FMN1: variants seen among roughly 807,000 people sequenced by gnomAD.
The protein encoded by FMN1 is formin 1.
Under a neutral mutation model 132.4 loss-of-function variants are expected in FMN1, and 110 were observed. The ratio of observed to expected loss-of-function variants is 0.83; its 90% confidence interval spans 0.71 to 0.97. The LOEUF is 0.97. FMN1 is among the 50% of genes least tolerant of loss of function. The probability of loss-of-function intolerance (pLI) is 0.00; values close to 1 mark genes in which losing one functional copy is unlikely to be tolerated. For synonymous variants in FMN1, 722 were observed against 651.7 expected, an observed-to-expected ratio of 1.11 and a Z score of -1.64; for missense variants, 1,792 against 1,705.3, an observed-to-expected ratio of 1.05 and a Z score of -0.90.
chr15:33,121,535 G>GT (rs1962556252), intron 4 of FMN1, among the ~76,000 whole-genome samples: 1 of 151,750 alleles, frequency 6.6e-6, no homozygotes, highest in Non-Finnish European at 1.5e-5. Context: ...GTTTTGTTTT[G>GT]TTTGTTTTGT....
intron 4 of FMN1, among the ~76,000 whole-genome samples, chr15:33,091,985 C>A (rs1292096660): frequency 6.6e-6 from 1 of 152,142 alleles, no homozygotes; most frequent in Non-Finnish European, 1.5e-5. Flanking sequence ...ATACTACAAA[C>A]CTGTTTTGTA....
intron 4 of FMN1, among the ~76,000 whole-genome samples, chr15:33,141,344 G>GT (rs199928403): frequency 2.7e-4 from 41 of 151,978 alleles, no homozygotes; most frequent in Middle Eastern, 6.8e-3. Flanking sequence ...ACATCCAACT[G>GT]TTTTTTTTCC....
At chr15:33,038,908 C>G (rs58812067) in intron 6 of FMN1, among the ~76,000 whole-genome samples, 5,496 of 152,186 alleles carry the variant, frequency 0.036, 340 homozygotes, top group African/African-American at 0.13. Flanking sequence ...TTCTGTGTCC[C>G]CCACTTTGAA....
intron 6 of FMN1, among the ~76,000 whole-genome samples, chr15:33,044,688 G>A (rs2036596530): frequency 6.6e-6 from 1 of 152,098 alleles, no homozygotes; most frequent in Non-Finnish European, 1.5e-5. Context: ...CCTCTCTACT[G>A]AGAGCTGAAA....
chr15:32,778,428 CAG>C (rs2056561041), intron 19 of FMN1, among the ~76,000 whole-genome samples: 1 of 151,526 alleles, frequency 6.6e-6, no homozygotes, highest in Non-Finnish European at 1.5e-5. Context: ...GTCTGGAACA[CAG>C]AAAGAACTCT....
chr15:32,815,310 A>T (rs377760654), intron 17 of FMN1, among the ~76,000 whole-genome samples: 9 of 152,086 alleles, frequency 5.9e-5, no homozygotes, highest in African/African-American at 2.2e-4. Context: ...TTTTAACCTC[A>T]TAGCATTTTA....
chr15:32,827,713 G>A (rs1263399095), intron 17 of FMN1, among the ~76,000 whole-genome samples: 3 of 151,964 alleles, frequency 2.0e-5, no homozygotes, highest in Non-Finnish European at 2.9e-5. Flanking sequence ...GCGTGGTGGC[G>A]GGCACCTGTA....
chr15:32,987,016 T>A lies in FMN1; in HGVS notation c.2224-17539A>T, dbSNP rs145354544. ...AACTATCCTATTCAAACTTGAAATG[T>A]CACTTCAATTTTAGTTTGACTGAGG... On this transcript the variant is annotated intron_variant, in intron 7 of 20. Transcript: ENST00000616417. 2.2e-4 allele frequency among the ~76,000 whole-genome samples: 33 copies of A among 152,324 alleles called. No homozygotes were observed. The East Asian group carries it at 5.6e-3, about 26-fold the overall frequency.
chr15:33,111,325 A>G (rs988392888), intron 4 of FMN1, among the ~76,000 whole-genome samples: 16 of 152,186 alleles, frequency 1.1e-4, no homozygotes, highest in African/African-American at 2.7e-4. Flanking sequence ...GCAGATAACA[A>G]CAAGTGTTCA....
intron 7 of FMN1, among the ~76,000 whole-genome samples, chr15:33,003,070 T>C (rs1452760045): frequency 6.6e-6 from 1 of 152,194 alleles, no homozygotes; most frequent in Non-Finnish European, 1.5e-5. Context: ...TATCTCAAAA[T>C]AGTAAGAGCT....
chr15:33,135,643 G>T (rs553287176), intron 4 of FMN1, among the ~76,000 whole-genome samples: 23 of 152,202 alleles, frequency 1.5e-4, no homozygotes, highest in Non-Finnish European at 3.1e-4. Context: ...CGAGAGCTTG[G>T]CTGGCAAGGA....
At chr15:33,041,704 TA>T (rs1034629396) in intron 6 of FMN1, among the ~76,000 whole-genome samples, 1 of 149,964 alleles carries the variant, frequency 6.7e-6, no homozygotes, top group Non-Finnish European at 1.5e-5. Flanking sequence ...AAAAAAACGG[TA>T]AATAAGTGTT....
At chr15:33,023,050 T>C (rs897539043) in intron 6 of FMN1, among the ~76,000 whole-genome samples, 557 of 59,748 alleles carry the variant, frequency 9.3e-3, no homozygotes, top group Middle Eastern at 0.034. Flanking sequence ...CTGATCCCCC[T>C]CCCCCACCCA....
intron 2 of FMN1, among the ~76,000 whole-genome samples, chr15:33,190,559 T>A (rs1198767087): frequency 6.6e-6 from 1 of 152,036 alleles, no homozygotes; most frequent in East Asian, 1.9e-4. Context: ...GATACTCACG[T>A]GGGGGAAAAA....
At chr15:33,129,286 A>G (rs1016686128) in intron 4 of FMN1, among the ~76,000 whole-genome samples, 7 of 152,234 alleles carry the variant, frequency 4.6e-5, no homozygotes, top group Non-Finnish European at 1.0e-4. Flanking sequence ...TGCTTTAAAT[A>G]TAAATAATAT....
rs894220255 is a variant in FMN1 at position 32,769,074 on chromosome 15, G to A, written c.*5236C>T. On this transcript the variant is annotated 3_prime_UTR_variant, in exon 21 of 21. Coordinates refer to ENST00000616417, the MANE Select transcript of FMN1 (RefSeq NM_001277313.2). ...GTTCCGTAAGTTCCACCAGACAGCA[G>A]ACCTACTGAATGAGGCTTAATTTGC... 2.0e-5 allele frequency: 3 copies of A among 152,212 alleles called. No homozygotes were observed. The highest frequency in any genetic ancestry group is 7.2e-5 in the African/African-American group (3 of 41,446). The allele number at this position is 152,212 out of a possible 1,614,324, so 9.4% of individuals were successfully genotyped here.
intron 7 of FMN1, among the ~76,000 whole-genome samples, chr15:32,994,212 C>CCTCTCTCT (rs771176022): frequency 0.043 from 6,256 of 146,356 alleles, 182 homozygotes; most frequent in African/African-American, 0.079. Context: ...AGAACTCATT[C>CCTCTCTCT]CTCTCTCTCT....
chr15:33,186,187 A>T (rs1965879533), intron 2 of FMN1, among the ~76,000 whole-genome samples: 1 of 151,940 alleles, frequency 6.6e-6, no homozygotes, highest in African/African-American at 2.4e-5. Context: ...AAAAAAAAAA[A>T]ACCTCTCCTT....
At chr15:32,890,444 T>G (rs1172655968) in intron 15 of FMN1, among the ~76,000 whole-genome samples, 2 of 152,186 alleles carry the variant, frequency 1.3e-5, no homozygotes, top group African/African-American at 4.8e-5. Context: ...GTTTTCTGAT[T>G]TTTTGATTAT....
Sources: gnomAD v4.1 joint callset for allele counts (sites outside exome capture counted in the v4.1 genomes callset) on GRCh38, gnomAD v4.1.1 for gene constraint, MANE v1.5 for transcripts, NCBI Gene and HGNC (gene_info 2026-07-23, HGNC 2026-07-21) for gene names.